The following MTMR9 variants were observed in gnomAD, a reference collection of about 807,000 sequenced individuals.
MTMR9 encodes myotubularin-related protein 9.
Under a neutral mutation model 69.5 loss-of-function variants are expected in MTMR9, and 39 were observed. The observed-to-expected ratio is 0.56, with a 90% CI of 0.43 to 0.73. MTMR9 has a LOEUF of 0.73. Among genes scored for constraint, MTMR9 ranks in the 30% least tolerant of loss-of-function variants. The pLI is 0.00. For missense variants in MTMR9, 900 were observed against 671.2 expected, an observed-to-expected ratio of 1.34 and a Z score of -3.77; for synonymous variants, 354 against 240.8, an observed-to-expected ratio of 1.47 and a Z score of -4.35.
At chr8:11,303,033 C>A (rs1045451632) in intron 3 of MTMR9, among the ~76,000 whole-genome samples, 1 of 151,414 alleles carries the variant, frequency 6.6e-6, no homozygotes, top group African/African-American at 2.4e-5. Flanking sequence ...AGATGTAAGT[C>A]ATTCCCTCCG....
At position 11,287,344 on chromosome 8, in the gene MTMR9, C is replaced by T. The variant is rs114803303; in HGVS notation, c.182+2274C>T. 1.0e-3 allele frequency among the ~76,000 whole-genome samples: 153 copies of T among 152,050 alleles called. 1 individual carries two copies. Among genetic ancestry groups the T allele is most frequent in the African/African-American group, 3.5e-3 (144 of 41,476 alleles). On this transcript the variant is annotated intron_variant, in intron 1 of 9. Coordinates refer to ENST00000221086, the MANE Select transcript of MTMR9 (RefSeq NM_015458.4). ...CGCTCATTTGTTTCCTCCTTTTTACCTTGCATTTACAAGGTGCTGGGCTTT... is the reference window on the plus strand; with the variant it reads ...CGCTCATTTGTTTCCTCCTTTTTACTTTGCATTTACAAGGTGCTGGGCTTT...
downstream of MTMR9, chr8:11,331,758 T>C: frequency 6.2e-7 from 1 of 1,611,932 alleles, no homozygotes; most frequent in Admixed American, 1.7e-5. Flanking sequence ...CTTTCCCTCC[T>C]GCCTCCCAAC....
At chr8:11,302,915 A>G (rs906833881) in intron 3 of MTMR9, among the ~76,000 whole-genome samples, 2 of 152,166 alleles carry the variant, frequency 1.3e-5, no homozygotes, top group Non-Finnish European at 2.9e-5. Context: ...AAGAAAAGAT[A>G]GTAAGACCTT....
intron 1 of MTMR9, among the ~76,000 whole-genome samples, chr8:11,289,651 G>A (rs555935237): frequency 3.3e-5 from 5 of 152,156 alleles, no homozygotes; most frequent in African/African-American, 7.2e-5. Context: ...AGGCAACCAC[G>A]TTAGTTGTTG....
chr8:11,330,197 G>C (rs1246791708), downstream of MTMR9, among the ~76,000 whole-genome samples: 9 of 151,688 alleles, frequency 5.9e-5, no homozygotes, highest in African/African-American at 2.2e-4. Flanking sequence ...CGGGAGGGAG[G>C]TGGGGGGTCA....
downstream of MTMR9, among the ~76,000 whole-genome samples, chr8:11,330,678 C>T (rs1348604234): frequency 1.3e-5 from 2 of 152,012 alleles, no homozygotes; most frequent in Non-Finnish European, 1.5e-5. Context: ...GGATTAAGGG[C>T]GGTGCAAGAT....
downstream of MTMR9, among the ~76,000 whole-genome samples, chr8:11,328,359 GTGTGTGTGTGTGTT>G (rs1405329426): frequency 6.6e-6 from 1 of 150,518 alleles, no homozygotes; most frequent in African/African-American, 2.5e-5. Flanking sequence ...GTGTGTGTGT[GTGTGTGTGTGTGTT>G]TGTTACACTG....
At chr8:11,307,477 A>G (rs1196307034) in intron 5 of MTMR9, among the ~76,000 whole-genome samples, 1 of 152,180 alleles carries the variant, frequency 6.6e-6, no homozygotes, top group Non-Finnish European at 1.5e-5. Flanking sequence ...TATCTTGACT[A>G]TTGTGAATAG....
At chr8:11,311,989 ATTTC>A (rs1241191689) in intron 6 of MTMR9, among the ~76,000 whole-genome samples, 1 of 150,924 alleles carries the variant, frequency 6.6e-6, no homozygotes, top group Non-Finnish European at 1.5e-5. Context: ...GCAACTCCTT[ATTTC>A]TTCAAGTTTC....
chr8:11,322,516 A>C (rs1194752901), intron 9 of MTMR9, 109 bp from the exon 10 acceptor site: 2 of 901,868 alleles, frequency 2.2e-6, no homozygotes, highest in Non-Finnish European at 1.7e-6. Context: ...TTGTGGCAAC[A>C]AAAGAAAAAA....
intron 3 of MTMR9, 50 bp downstream of exon 3, chr8:11,300,198 T>C (rs1351193654): frequency 6.3e-7 from 1 of 1,592,804 alleles, no homozygotes. Context: ...CCCAATACCT[T>C]ATTTGACTTG....
chr8:11,300,809 G>A (rs899576790), intron 3 of MTMR9: 6 of 152,160 alleles, frequency 3.9e-5, no homozygotes, highest in Non-Finnish European at 8.8e-5. Flanking sequence ...AAACATTGTT[G>A]GAAGAAGTTG....
At chr8:11,298,053 T>C (rs1799620182) in intron 2 of MTMR9, 33 of 394,280 alleles carry the variant, frequency 8.4e-5, no homozygotes, top group South Asian at 5.7e-4. Flanking sequence ...TAGAATCCCA[T>C]TGGAAGAATA....
At chr8:11,308,822 C>T (rs372717638) in intron 5 of MTMR9, among the ~76,000 whole-genome samples, 5 of 152,222 alleles carry the variant, frequency 3.3e-5, no homozygotes, top group East Asian at 1.9e-4. Context: ...GTTTGATAGG[C>T]GAAAGCTGTG....
downstream of MTMR9, chr8:11,331,537 T>G (rs1422319727): frequency 2.5e-6 from 4 of 1,613,546 alleles, no homozygotes; most frequent in Non-Finnish European, 3.4e-6. Context: ...TGCTCCGCTG[T>G]CCTCACCCTC....
rs1211969357 is a variant in MTMR9, at chr8:11,306,245, A to G, written c.647A>G (p.Glu216Gly). ...GGTACAAACGGGAGGAGGTGCAAGG[A>G]GGACGAGAAGCTGATAAATGCTACC... ...LTGTNGRRCK[E>G]DEKLINATLR... Residue 216 changes from glutamate (E) to glycine (G), a missense_variant, in exon 5 of 10, where the codon GAG becomes GGG. Glu to Gly is a moderately conservative substitution (Grantham distance 98). Transcript: ENST00000221086. The G allele has an allele frequency of 6.2e-7, 1 of 1,613,724 alleles. No homozygotes were observed. Among genetic ancestry groups the G allele is most frequent in the Admixed American group, 1.7e-5 (1 of 59,974 alleles).
Position 11,326,539 on chromosome 8 carries a change from C to A in MTMR9, c.*3751C>A, listed in dbSNP as rs2117480130. 6.6e-6 allele frequency: 1 copy of A among 152,224 alleles called. No individual in the cohort carries two copies. The highest frequency in any genetic ancestry group is 1.9e-4 in the East Asian group (1 of 5,182). 9.4% of individuals were successfully genotyped at this position (152,224 alleles called of 1,614,324 possible). On this transcript the variant is annotated 3_prime_UTR_variant, in exon 10 of 10. Transcript: ENST00000221086. ...GAACTGAAGAGGTTCAGAGAACTTT[C>A]CAGGTTTATACTATACCTCAAGACC...
At chr8:11,314,433 T>C (rs1348655320) in intron 6 of MTMR9, among the ~76,000 whole-genome samples, 4 of 152,204 alleles carry the variant, frequency 2.6e-5, no homozygotes, top group Non-Finnish European at 5.9e-5. Context: ...GGTCTCATTT[T>C]CCAGATTGAA....
intron 6 of MTMR9, among the ~76,000 whole-genome samples, chr8:11,310,466 CT>C (rs938940267): frequency 2.0e-5 from 3 of 152,042 alleles, no homozygotes; most frequent in African/African-American, 7.3e-5. Context: ...AAATATATAC[CT>C]AATTTGTTAT....
Sources: gnomAD v4.1 joint callset for allele counts (sites outside exome capture counted in the v4.1 genomes callset) on GRCh38, gnomAD v4.1.1 for gene constraint, MANE v1.5 for transcripts, NCBI Gene and HGNC (gene_info 2026-07-23, HGNC 2026-07-21) for gene names.